TAX1BP1: variants seen among roughly 807,000 people sequenced by gnomAD.
TAX1BP1 encodes tax1-binding protein 1.
Under a neutral mutation model 97.7 loss-of-function variants are expected in TAX1BP1, and 62 were observed. The observed-to-expected ratio is 0.63, with a 90% CI of 0.52 to 0.78. TAX1BP1 has a LOEUF of 0.78. Ranked by LOEUF, TAX1BP1 falls within the 30% of genes least tolerant of loss-of-function variation. The pLI is 0.00. For synonymous variants in TAX1BP1, 340 were observed against 304.2 expected, an observed-to-expected ratio of 1.12 and a Z score of -1.23; for missense variants, 867 against 916.1, an observed-to-expected ratio of 0.95 and a Z score of 0.69.
At chr7:27,823,297 T>C (rs987900598) in intron 15 of TAX1BP1, among the ~76,000 whole-genome samples, 1 of 152,218 alleles carries the variant, frequency 6.6e-6, no homozygotes. Flanking sequence ...TTGGGTACTC[T>C]CTTTTCTCTT....
intron 13 of TAX1BP1, among the ~76,000 whole-genome samples, chr7:27,811,713 A>G (rs1370315989): frequency 1.3e-5 from 2 of 152,090 alleles, no homozygotes; most frequent in Admixed American, 6.5e-5. Context: ...CAAGCAGTGT[A>G]ACGTTTCCAT....
chr7:27,788,339 C>T (rs1174422947), intron 8 of TAX1BP1, among the ~76,000 whole-genome samples: 1 of 152,014 alleles, frequency 6.6e-6, no homozygotes, highest in Admixed American at 6.5e-5. Context: ...CTACCTGTCT[C>T]TATATAGGTG....
intron 3 of TAX1BP1, among the ~76,000 whole-genome samples, chr7:27,761,979 C>T (rs1312911502): frequency 6.6e-6 from 1 of 152,194 alleles, no homozygotes. Context: ...TCCACATTTT[C>T]AGCAGCATTT....
chr7:27,756,834 A>G (rs555303125), intron 2 of TAX1BP1, among the ~76,000 whole-genome samples: 1 of 152,280 alleles, frequency 6.6e-6, no homozygotes, highest in Non-Finnish European at 1.5e-5. Context: ...TCATATCCGT[A>G]AAGAGATGAA....
At chr7:27,782,124 A>C (rs1034453709) in intron 5 of TAX1BP1, among the ~76,000 whole-genome samples, 3 of 152,216 alleles carry the variant, frequency 2.0e-5, no homozygotes, top group African/African-American at 7.2e-5. Flanking sequence ...TTTTGAAATA[A>C]CATTTAGCTC....
At chr7:27,747,914 TGA>T (rs967993415) in intron 1 of TAX1BP1, among the ~76,000 whole-genome samples, 3 of 151,840 alleles carry the variant, frequency 2.0e-5, no homozygotes, top group African/African-American at 4.8e-5. Context: ...TAACCAGGGT[TGA>T]GAAATGCTGG....
intron 13 of TAX1BP1, among the ~76,000 whole-genome samples, chr7:27,807,362 T>C (rs1031656545): frequency 3.9e-5 from 6 of 152,206 alleles, no homozygotes; most frequent in Non-Finnish European, 7.4e-5. Flanking sequence ...TTTTCCTCCC[T>C]GATCTAGGAT....
At chr7:27,757,247 A>G (rs533004797) in intron 2 of TAX1BP1, among the ~76,000 whole-genome samples, 164 of 152,260 alleles carry the variant, frequency 1.1e-3, no homozygotes, top group African/African-American at 3.7e-3. Context: ...AATATTTAAC[A>G]TGGTATTTAG....
chr7:27,741,612 T>C (rs1205783666), intron 1 of TAX1BP1, among the ~76,000 whole-genome samples: 2 of 152,046 alleles, frequency 1.3e-5, no homozygotes, highest in Non-Finnish European at 2.9e-5. Context: ...GCGATTCTCC[T>C]GCCTCAGCCT....
intron 2 of TAX1BP1, among the ~76,000 whole-genome samples, chr7:27,756,981 T>C (rs901562464): frequency 1.3e-5 from 2 of 152,154 alleles, no homozygotes; most frequent in Non-Finnish European, 1.5e-5. Context: ...TCTATATAAT[T>C]ACAAAATAAA....
chr7:27,785,854 T>C (rs531009492), intron 7 of TAX1BP1, among the ~76,000 whole-genome samples: 1 of 152,332 alleles, frequency 6.6e-6, no homozygotes, highest in African/African-American at 2.4e-5. Context: ...ATATCACCCC[T>C]AAAAGTTAGT....
intron 5 of TAX1BP1, among the ~76,000 whole-genome samples, chr7:27,771,096 A>C (rs1788827622): frequency 3.0e-5 from 2 of 65,598 alleles, no homozygotes; most frequent in South Asian, 1.1e-3. Flanking sequence ...GACATTCAGC[A>C]ATTTTTTTTT....
intron 3 of TAX1BP1, among the ~76,000 whole-genome samples, chr7:27,760,590 T>G (rs1788388626): frequency 6.6e-6 from 1 of 152,012 alleles, no homozygotes; most frequent in East Asian, 1.9e-4. Flanking sequence ...GAGATGGGGT[T>G]TCACCGTGTT....
Position 27,774,236 on chromosome 7 carries a change from A to G in TAX1BP1, c.612+4402A>G, listed in dbSNP as rs182326943. ...TTTGGCTGTTTCTTCTCTAAAACGT[A>G]AAGATATTTTGTGTTGTTGTAGAGT... is the stretch of plus-strand genomic sequence containing the variant. On this transcript the variant is annotated intron_variant, in intron 5 of 16. Transcript: ENST00000396319. 2.6e-5 allele frequency among the ~76,000 whole-genome samples: 4 copies of G among 152,212 alleles called. No homozygotes were observed. In the East Asian group the frequency reaches 7.7e-4, roughly 29 times the overall value.
At chr7:27,800,792 T>A (rs1270357348) in intron 13 of TAX1BP1, among the ~76,000 whole-genome samples, 1 of 152,024 alleles carries the variant, frequency 6.6e-6, no homozygotes, top group Admixed American at 6.6e-5. Context: ...CAAGCCCAAA[T>A]GATAAATGAT....
intron 7 of TAX1BP1, among the ~76,000 whole-genome samples, chr7:27,786,208 T>G (rs1789473857): frequency 6.6e-6 from 1 of 151,296 alleles, no homozygotes; most frequent in Non-Finnish European, 1.5e-5. Context: ...CTCGGCCCAC[T>G]GCAAGCTCTG....
At chr7:27,797,034 C>G (rs558597796) in intron 12 of TAX1BP1, among the ~76,000 whole-genome samples, 158 of 150,646 alleles carry the variant, frequency 1.0e-3, no homozygotes, top group African/African-American at 3.7e-3. Flanking sequence ...GTCTCACTCT[C>G]TCGCTCAGGC....
At position 27,812,681 on chromosome 7, in the gene TAX1BP1, T is replaced by C. The variant is rs573497846; in HGVS notation, c.1765-3668T>C. Reference sequence around the variant, plus strand: ...TGGTATGATATGTAGTCAAAGTTTATTTTGTATATAAGTACCCAGTTTTTA... The same window carrying C: ...TGGTATGATATGTAGTCAAAGTTTACTTTGTATATAAGTACCCAGTTTTTA... On this transcript the variant is annotated intron_variant, in intron 13 of 16. Transcript: ENST00000396319. 7.1e-4 allele frequency among the ~76,000 whole-genome samples: 108 copies of C among 152,332 alleles called. 1 individual carries two copies. The highest frequency in any genetic ancestry group is 6.0e-3 in the South Asian group (29 of 4,830).
chr7:27,780,987 A>T (rs562739875), intron 5 of TAX1BP1, among the ~76,000 whole-genome samples: 4 of 152,142 alleles, frequency 2.6e-5, no homozygotes, highest in Non-Finnish European at 4.4e-5. Context: ...ACTACCCTAA[A>T]TTTTTTTACT....
Sources: gnomAD v4.1 joint callset for allele counts (sites outside exome capture counted in the v4.1 genomes callset) on GRCh38, gnomAD v4.1.1 for gene constraint, MANE v1.5 for transcripts, NCBI Gene and HGNC (gene_info 2026-07-23, HGNC 2026-07-21) for gene names.